Variants in ANXA8 observed in about 807,000 individuals in gnomAD.
ANXA8 encodes VAC-beta.
ANXA8 carries 9 observed loss-of-function variants against 26.8 expected under a neutral mutation model. The ratio of observed to expected loss-of-function variants is 0.34; its 90% CI spans 0.20 to 0.59. ANXA8 has a LOEUF of 0.59. Ranked by LOEUF, ANXA8 falls within the 20% of genes least tolerant of loss-of-function variation. The pLI is 0.84. For synonymous variants in ANXA8, 39 were observed against 94.8 expected, an observed-to-expected ratio of 0.41 and a Z score of 3.42; for missense variants, 83 against 238.5, an observed-to-expected ratio of 0.35 and a Z score of 4.29.
the ANXA8 span, among the ~76,000 whole-genome samples, chr10:47,651,164 C>T: frequency 6.6e-6 from 1 of 151,304 alleles, no homozygotes; most frequent in East Asian, 2.0e-4. Context: ...GGTGCCACTG[C>T]ACTCCAGCCT....
the ANXA8 span, chr10:47,706,618 A>C: frequency 1.1e-6 from 1 of 897,206 alleles, no homozygotes; most frequent in East Asian, 3.4e-5. Flanking sequence ...GCTTTGGCAG[A>C]ATCTTGGAAT....
rs1839476073 is a variant in ANXA8, at chr10:47,475,112, G to C, written c.493-108C>G. The stretch of plus-strand genomic sequence containing the variant: ...GCAGGCATGGCTCTGCTGCTCTTTG[G>C]CTGTGGAAACTTCGACAAGCCAGTT... On this transcript the variant is annotated intron_variant, in intron 6 of 11. Transcript: ENST00000585281. 6 of 1,472,534 alleles carry C rather than the reference G, an allele frequency of 4.1e-6. 1 individual carries two copies. The highest frequency in any genetic ancestry group is 3.7e-6 in the Non-Finnish European group (4 of 1,077,798). 91.2% of individuals were successfully genotyped at this position (1,472,534 alleles called of 1,614,324 possible).
the ANXA8 span, among the ~76,000 whole-genome samples, chr10:47,587,203 C>CAA: frequency 0.016 from 2,082 of 126,574 alleles, 16 homozygotes; most frequent in East Asian, 0.03. Context: ...GACTCTGTCT[C>CAA]AAAAAAAAAA....
At chr10:47,907,762 T>A in the ANXA8 span, among the ~76,000 whole-genome samples, 1 of 47,562 alleles carries the variant, frequency 2.1e-5, no homozygotes, top group African/African-American at 1.4e-4. Flanking sequence ...GGTGAGACTG[T>A]CTCAAAAAAA....
chr10:47,703,486 T>C, the ANXA8 span, among the ~76,000 whole-genome samples: 1 of 150,612 alleles, frequency 6.6e-6, no homozygotes, highest in South Asian at 2.1e-4. Context: ...GAGGATTGAT[T>C]GATCCCAGGA....
Position 47,474,465 on chromosome 10 carries a change from G to T in ANXA8, c.553-67C>A. 5 of 1,086,050 alleles carry T rather than the reference G, an allele frequency of 4.6e-6. 1 individual carries two copies. The South Asian group carries it at 7.3e-5, about 16-fold the overall frequency. The allele number at this position is 1,086,050 out of a possible 1,614,324, so 67.3% of individuals were successfully genotyped here. ...GGGAGGTGAGGGACTGAGCCCCAGAGTCCCAGAGCTGTGGCCATGGCCTGG... is the reference window on the plus strand; with the variant it reads ...GGGAGGTGAGGGACTGAGCCCCAGATTCCCAGAGCTGTGGCCATGGCCTGG... On this transcript the variant is annotated intron_variant, in intron 7 of 11. Coordinates refer to ENST00000585281, the MANE Select transcript of ANXA8 (RefSeq NM_001040084.3).
chr10:47,581,650 A>G, the ANXA8 span: 1 of 395,850 alleles, frequency 2.5e-6, no homozygotes, highest in South Asian at 2.1e-5. Flanking sequence ...TCTGTCACCC[A>G]GGCTGGAGTG....
the ANXA8 span, among the ~76,000 whole-genome samples, chr10:47,693,305 T>C: frequency 2.6e-5 from 4 of 151,380 alleles, no homozygotes; most frequent in Non-Finnish European, 5.9e-5. Flanking sequence ...TTTTTTTTTT[T>C]TTGAGACGGA....
the ANXA8 span, among the ~76,000 whole-genome samples, chr10:47,776,832 C>T: frequency 3.6e-4 from 54 of 151,832 alleles, 1 homozygote; most frequent in South Asian, 4.0e-3. Flanking sequence ...TTCTTTCTCC[C>T]TCACCTGCCT....
the ANXA8 span, among the ~76,000 whole-genome samples, chr10:47,929,173 GC>G: frequency 4.3e-5 from 3 of 69,270 alleles, no homozygotes; most frequent in Non-Finnish European, 5.2e-5. Flanking sequence ...CCTCTTATGT[GC>G]TCACCAGTCC....
the ANXA8 span, among the ~76,000 whole-genome samples, chr10:47,556,863 G>A: frequency 6.8e-6 from 1 of 147,412 alleles, no homozygotes; most frequent in South Asian, 2.2e-4. Context: ...AGAAAGCTTA[G>A]TTGTCTTTTC....
At chr10:47,590,691 G>C in the ANXA8 span, among the ~76,000 whole-genome samples, 1 of 145,524 alleles carries the variant, frequency 6.9e-6, no homozygotes, top group African/African-American at 2.8e-5. Context: ...TAGAGCTGAT[G>C]ATAAAACCTA....
chr10:47,991,570 G>A, the ANXA8 span: 2 of 1,601,934 alleles, frequency 1.2e-6, no homozygotes, highest in Non-Finnish European at 1.7e-6. Context: ...GCAGCCAAAT[G>A]TAGACTGAGC....
the ANXA8 span, among the ~76,000 whole-genome samples, chr10:47,772,098 A>AT: frequency 6.6e-6 from 1 of 151,656 alleles, no homozygotes; most frequent in Non-Finnish European, 1.5e-5. Context: ...GCCATTCTTT[A>AT]CTATCAAATC....
chr10:47,756,715 G>A, the ANXA8 span, among the ~76,000 whole-genome samples: 1 of 152,426 alleles, frequency 6.6e-6, no homozygotes, highest in African/African-American at 2.4e-5. Context: ...GGATGTGTGG[G>A]GTGAGCCCAA....
At chr10:47,940,213 A>G in the ANXA8 span, among the ~76,000 whole-genome samples, 1 of 149,380 alleles carries the variant, frequency 6.7e-6, no homozygotes, top group Admixed American at 6.7e-5. Context: ...CCATCTTTTC[A>G]CCTGGCTGTA....
the ANXA8 span, among the ~76,000 whole-genome samples, chr10:47,656,558 ACT>A: frequency 7.2e-6 from 1 of 138,350 alleles, no homozygotes; most frequent in African/African-American, 2.9e-5. Flanking sequence ...GAAACTGCAA[ACT>A]CTATCCCGTT....
At chr10:47,955,377 A>G in the ANXA8 span, among the ~76,000 whole-genome samples, 1 of 150,214 alleles carries the variant, frequency 6.7e-6, no homozygotes, top group Non-Finnish European at 1.5e-5. Flanking sequence ...ATGCGTTCTC[A>G]GAAACACATC....
At chr10:47,481,980 T>G (rs1839834274) in intron 1 of ANXA8, among the ~76,000 whole-genome samples, 1 of 143,550 alleles carries the variant, frequency 7.0e-6, no homozygotes, top group Admixed American at 7.0e-5. Flanking sequence ...GGCCTTCCCC[T>G]GCTACGTGGC....
Sources: allele counts gnomAD v4.1 joint callset (sites outside exome capture counted in the v4.1 genomes callset), GRCh38; gene constraint gnomAD v4.1.1; transcripts MANE v1.5; gene names NCBI Gene and HGNC (gene_info 2026-07-23, HGNC 2026-07-21).